MICU3: variants seen among roughly 807,000 people sequenced by gnomAD.
MICU3 encodes mitochondrial calcium uptake 3.
In MICU3, 62 loss-of-function variants were observed where a neutral mutation model predicts 66.5. The ratio of observed to expected loss-of-function variants is 0.93; its 90% confidence interval spans 0.76 to 1.15. The LOEUF (loss-of-function observed/expected upper bound fraction) is 1.15. Ranked by LOEUF, MICU3 falls within the 50% of genes most tolerant of loss-of-function variation. The pLI, the probability that MICU3 is intolerant of heterozygous loss-of-function variation, is 0.00. For missense variants in MICU3, 779 were observed against 664.4 expected (o/e 1.17, Z -1.90); for synonymous variants, 308 against 240.7 (o/e 1.28, Z -2.59).
intron 5 of MICU3, among the ~76,000 whole-genome samples, chr8:17,083,979 TG>T (rs1181758713): frequency 6.6e-6 from 1 of 152,118 alleles, no homozygotes; most frequent in East Asian, 1.9e-4. Context: ...TAGTGCGTTT[TG>T]GCACAGAAAG....
intron 11 of MICU3, among the ~76,000 whole-genome samples, chr8:17,110,559 T>C (rs959471911): frequency 6.6e-6 from 1 of 152,142 alleles, no homozygotes; most frequent in Admixed American, 6.5e-5. Context: ...TTTTTATTAT[T>C]CACTTAAATT....
intron 8 of MICU3, among the ~76,000 whole-genome samples, chr8:17,093,990 T>C (rs1800378959): frequency 6.6e-6 from 1 of 152,036 alleles, no homozygotes; most frequent in South Asian, 2.1e-4. Context: ...ATCCCCTTCA[T>C]GTGTGTCCCC....
In MICU3 at chr8:17,114,122, T is replaced by C; in HGVS notation, c.1287T>C (p.Phe429=). The C allele has an allele frequency of 2.5e-6, 4 of 1,612,368 alleles. No individual in the cohort carries two copies. Among genetic ancestry groups the C allele is most frequent in the East Asian group, 2.2e-5 (1 of 44,800 alleles). The change falls in exon 12 of 15, where the codon TTT becomes TTC. Residue 429 remains phenylalanine, a synonymous_variant. Coordinates refer to ENST00000318063, the MANE Select transcript of MICU3 (RefSeq NM_181723.3). ...KGITFDEFRS[F]FQFLNNLEDF... ...TCACATTTGATGAATTCAGGTCATT[T>C]TTCCAGTTTTTAAACAACCTAGAAG...
At chr8:17,073,782 G>C (rs761503231) in intron 3 of MICU3, among the ~76,000 whole-genome samples, 1 of 152,042 alleles carries the variant, frequency 6.6e-6, no homozygotes, top group Non-Finnish European at 1.5e-5. Flanking sequence ...AAAAATTTGT[G>C]AAATAGAGAA....
At position 17,027,288 on chromosome 8, in the gene MICU3, G is replaced by A. The variant is rs1462169031; in HGVS notation, c.9G>A (p.Ala3=). 3.3e-6 allele frequency: 5 copies of A among 1,503,054 alleles called. No individual in the cohort carries two copies. The highest frequency in any genetic ancestry group is 1.5e-5 in the African/African-American group (1 of 67,204). 93.1% of individuals were successfully genotyped at this position (1,503,054 alleles called of 1,614,324 possible). A position where few individuals can be genotyped will look rare whatever the true frequency, so the allele number is the denominator to read the frequency against. MA[A]LRRLLWPPPR... ...TGTGGGCGGCCTCCGCTATGGCTGC[G>A]CTGCGAAGGCTCTTGTGGCCGCCAC... Residue 3 remains alanine, a synonymous_variant, in exon 1 of 15, where the codon GCG becomes GCA. Coordinates refer to ENST00000318063, the MANE Select transcript of MICU3 (RefSeq NM_181723.3).
At chr8:17,082,464 C>T (rs1821329783) in intron 5 of MICU3, among the ~76,000 whole-genome samples, 1 of 152,088 alleles carries the variant, frequency 6.6e-6, no homozygotes. Flanking sequence ...CTCTTTACTG[C>T]GTTGCATATT....
At chr8:17,090,641 A>G in intron 8 of MICU3, 57 bp downstream of exon 8, 12 of 1,333,822 alleles carry the variant, frequency 9.0e-6, no homozygotes, top group Non-Finnish European at 1.2e-5. Flanking sequence ...GTTATACTTG[A>G]TAATGTTATT....
At chr8:17,084,478 CT>C (rs1026997605) in intron 5 of MICU3, among the ~76,000 whole-genome samples, 2 of 151,966 alleles carry the variant, frequency 1.3e-5, no homozygotes, top group Non-Finnish European at 2.9e-5. Context: ...CCTTTTTCAA[CT>C]TTGTACCCCT....
At chr8:17,106,035 CAA>C (rs1351943743) in intron 11 of MICU3, among the ~76,000 whole-genome samples, 4 of 152,004 alleles carry the variant, frequency 2.6e-5, no homozygotes, top group Admixed American at 2.6e-4. Context: ...TGAAGTTTTT[CAA>C]AGAGTTTGGA....
At chr8:17,040,855 G>A (rs377149147) in intron 1 of MICU3, among the ~76,000 whole-genome samples, 2 of 152,088 alleles carry the variant, frequency 1.3e-5, no homozygotes, top group African/African-American at 4.8e-5. Flanking sequence ...GGGTTTTAGG[G>A]GTCAGGAAAA....
chr8:17,107,599 G>C (rs1344914099), intron 11 of MICU3, among the ~76,000 whole-genome samples: 1 of 152,094 alleles, frequency 6.6e-6, no homozygotes, highest in African/African-American at 2.4e-5. Flanking sequence ...ACCTATTTTT[G>C]TAAGTAAAAT....
rs1811215491 is a variant in MICU3, at chr8:17,027,585, C to T, written c.306C>T (p.Ser102=). 1.0e-5 allele frequency: 13 copies of T among 1,293,142 alleles called. No individual in the cohort carries two copies. The highest frequency in any genetic ancestry group is 1.3e-5 in the Non-Finnish European group (13 of 1,023,776). 80.1% of individuals were successfully genotyped at this position (1,293,142 alleles called of 1,614,324 possible). The stretch of plus-strand genomic sequence containing the variant: ...CGGCGACCGGGCGACCCTCAAAGAG[C>T]GCGGCCACGGAGCCCGAGGACCCGC... The part of the protein sequence containing the change: ...GSPATGRPSK[S]AATEPEDPPR... Residue 102 remains serine (S), a synonymous_variant, in exon 1 of 15, where the codon AGC becomes AGT. Transcript: ENST00000318063.
chr8:17,116,741 C>G (rs1802720732), intron 13 of MICU3, 141 bp downstream of exon 13: 2 of 568,850 alleles, frequency 3.5e-6, no homozygotes, highest in Admixed American at 8.3e-5. Context: ...AAACATAGGC[C>G]TTACTTCCCT....
At chr8:17,084,993 T>C (rs1197176125) in intron 5 of MICU3, among the ~76,000 whole-genome samples, 6 of 152,128 alleles carry the variant, frequency 3.9e-5, no homozygotes, top group Admixed American at 3.9e-4. Flanking sequence ...AGAGAAGTGC[T>C]TTAGGAAAGT....
chr8:17,067,737 C>T (rs1387481945), intron 2 of MICU3, among the ~76,000 whole-genome samples: 1 of 152,164 alleles, frequency 6.6e-6, no homozygotes. Context: ...CCATGCCCAG[C>T]CCATAGCTGT....
rs113754856 is a variant in MICU3, at chr8:17,119,198, C to T, written c.*423C>T. Among the ~76,000 whole-genome samples, 94 of 152,248 alleles carry T rather than the reference C, an allele frequency of 6.2e-4. 2 individuals carry two copies. Among genetic ancestry groups the T allele is most frequent in the African/African-American group, 2.1e-3 (87 of 41,554 alleles). ...AGAAAAATCAATGTTTAACAAGTAA[C>T]TTGCATAGGATAACTTGCTAGTCAG... On this transcript the variant is annotated intron_variant, in intron 14 of 14. Transcript: ENST00000318063.
chr8:17,125,987 G>A (rs1803394801), downstream of MICU3, among the ~76,000 whole-genome samples: 1 of 146,146 alleles, frequency 6.8e-6, no homozygotes, highest in Non-Finnish European at 1.5e-5. Flanking sequence ...CTGAGATTTT[G>A]CCACTGCACT....
At chr8:17,090,399 A>G (rs1585438088) in intron 7 of MICU3, 147 bp from the exon 8 acceptor site, 1 of 609,856 alleles carries the variant, frequency 1.6e-6, no homozygotes, top group Non-Finnish European at 2.9e-6. Context: ...TCCCACTTGT[A>G]TTGTTCGTGT....
chr8:17,079,143 CAT>C (rs34341847), intron 4 of MICU3, among the ~76,000 whole-genome samples: 37,913 of 151,910 alleles, frequency 0.25, 5,135 homozygotes, highest in East Asian at 0.39. Flanking sequence ...ATGTTATACA[CAT>C]GTTTGCATTT....
Sources: gnomAD v4.1 joint callset for allele counts (sites outside exome capture counted in the v4.1 genomes callset) on GRCh38, gnomAD v4.1.1 for gene constraint, MANE v1.5 for transcripts, NCBI Gene and HGNC (gene_info 2026-07-23, HGNC 2026-07-21) for gene names.